Variants in PCDHGA10 observed in about 807,000 individuals in gnomAD.
PCDHGA10 encodes protocadherin gamma subfamily A, 10.
Under a neutral mutation model 59.5 loss-of-function variants are expected in PCDHGA10, and 42 were observed. The observed-to-expected ratio is 0.71, with a 90% confidence interval of 0.55 to 0.91. The LOEUF (loss-of-function observed/expected upper bound fraction) is 0.91. Among genes scored for constraint, PCDHGA10 ranks in the 40% least tolerant of loss-of-function variants. The pLI is 0.00. For synonymous variants in PCDHGA10, 511 were observed against 517.2 expected, an observed-to-expected ratio of 0.99 and a Z score of 0.16; for missense variants, 1,111 against 1,198.2, an observed-to-expected ratio of 0.93 and a Z score of 1.07.
chr5:141,451,112 G>A (rs776356458), intron 1 of PCDHGA10, among the ~76,000 whole-genome samples: 9 of 152,236 alleles, frequency 5.9e-5, no homozygotes, highest in Admixed American at 1.3e-4. Flanking sequence ...ACAGGCGTGA[G>A]CCACCACACC....
chr5:141,485,383 G>C lies in PCDHGA10; in HGVS notation c.2437-9424G>C. 6.2e-7 allele frequency: 1 copy of C among 1,614,128 alleles called. No individual in the cohort carries two copies. Among genetic ancestry groups the C allele is most frequent in the Non-Finnish European group, 8.5e-7 (1 of 1,180,020 alleles). On this transcript the variant is annotated intron_variant, in intron 1 of 3. Coordinates refer to ENST00000398610, the MANE Select transcript of PCDHGA10 (RefSeq NM_018913.3). The surrounding 1 kb of genome is among the most constrained non-coding windows in gnomAD (Gnocchi z 5.7). Reference sequence around the variant, plus strand: ...GCAGGCTGCAGGTCGCTGGAGAGGTGAACCAAAGACACTTCCGTGTGGATT... The same window carrying C: ...GCAGGCTGCAGGTCGCTGGAGAGGTCAACCAAAGACACTTCCGTGTGGATT...
intron 1 of PCDHGA10, chr5:141,433,272 C>G (rs1161817377): frequency 8.0e-7 from 1 of 1,252,412 alleles, no homozygotes; most frequent in Non-Finnish European, 1.1e-6. Flanking sequence ...TAGCTCACTG[C>G]AGCCTCAAAC....
At chr5:141,421,827 C>A in intron 1 of PCDHGA10, 1 of 1,613,802 alleles carries the variant, frequency 6.2e-7, no homozygotes, top group Non-Finnish European at 8.5e-7. Flanking sequence ...TGGAGGGAAG[C>A]CTGGACCGAG....
At chr5:141,427,228 T>C (rs2097002884) in intron 1 of PCDHGA10, 1 of 456,550 alleles carries the variant, frequency 2.2e-6, no homozygotes, top group South Asian at 1.5e-5. Context: ...AGTTATACCA[T>C]GAGAGTAGAA....
At chr5:141,421,854 C>T (rs1402137870) in intron 1 of PCDHGA10, 9 of 1,613,644 alleles carry the variant, frequency 5.6e-6, no homozygotes. Flanking sequence ...AGGCTGCTCA[C>T]CTGCTCCTCC....
In PCDHGA10 at chr5:141,486,077, C is replaced by T; in HGVS notation, c.2437-8730C>T. 6.2e-7 allele frequency: 1 copy of T among 1,614,186 alleles called. No individual in the cohort carries two copies. The highest frequency in any genetic ancestry group is 8.5e-7 in the Non-Finnish European group (1 of 1,180,024). ...TAGCCTGCACCCCACTACTGGAAAG[C>T]TTACTCTTTTGGGGCCCCTAGACTT... On this transcript the variant is annotated intron_variant, in intron 1 of 3. Coordinates refer to ENST00000398610, the MANE Select transcript of PCDHGA10 (RefSeq NM_018913.3). The surrounding 1 kb of genome is among the most constrained non-coding windows in gnomAD (Gnocchi z 5.0).
Position 141,420,043 on chromosome 5 carries a change from G to T in PCDHGA10, c.2436+4432G>T, listed in dbSNP as rs747553514. On this transcript the variant is annotated intron_variant, in intron 1 of 3. Coordinates refer to ENST00000398610, the MANE Select transcript of PCDHGA10 (RefSeq NM_018913.3). ...GCCCTACTGCAGGAGACTGCTTTGAGTCAGTTCTCTGCTCCAAGTCCGGAC... is the reference window on the plus strand; with the variant it reads ...GCCCTACTGCAGGAGACTGCTTTGATTCAGTTCTCTGCTCCAAGTCCGGAC... The T allele has an allele frequency of 1.9e-6, 3 of 1,614,078 alleles. No individual in the cohort carries two copies. In the Admixed American group the frequency reaches 5.0e-5, roughly 27 times the overall value.
At chr5:141,457,554 G>A (rs2098924282) in intron 1 of PCDHGA10, among the ~76,000 whole-genome samples, 1 of 152,166 alleles carries the variant, frequency 6.6e-6, no homozygotes, top group Admixed American at 6.5e-5. Flanking sequence ...TGTATGATAA[G>A]CTTTGGAGCA....
intron 1 of PCDHGA10, among the ~76,000 whole-genome samples, chr5:141,460,285 T>C (rs1283830175): frequency 1.3e-5 from 2 of 152,154 alleles, no homozygotes; most frequent in Admixed American, 6.5e-5. Context: ...ATAGTTTGTA[T>C]TTCTTATGTC....
chr5:141,484,603 G>T (rs1460433183), intron 1 of PCDHGA10, among the ~76,000 whole-genome samples: 1 of 152,008 alleles, frequency 6.6e-6, no homozygotes, highest in Non-Finnish European at 1.5e-5. Context: ...TAGAATACTG[G>T]TTGATGACAA....
chr5:141,427,840 A>G (rs779622800), intron 1 of PCDHGA10: 1 of 1,548,180 alleles, frequency 6.5e-7, no homozygotes, highest in Non-Finnish European at 8.8e-7. Flanking sequence ...CGTGCCTTCG[A>G]CCACGAGCAG....
chr5:141,431,265 G>A lies in PCDHGA10; in HGVS notation c.2436+15654G>A. 2 of 1,614,168 alleles carry A rather than the reference G, an allele frequency of 1.2e-6. No homozygotes were observed. On this transcript the variant is annotated intron_variant, in intron 1 of 3. Transcript: ENST00000398610. This position sits in a 1 kb window ranked among gnomAD's most constrained non-coding sequence, Gnocchi z 4.8. ...GATATCGGGAAGAACTCTCTGCAGA[G>A]CTACGAGCTCAGCCCGAACACTCAC...
intron 1 of PCDHGA10, chr5:141,419,479 C>T (rs764891283): frequency 6.2e-7 from 1 of 1,612,390 alleles, no homozygotes; most frequent in Non-Finnish European, 8.5e-7. Context: ...AGGGCTCGCC[C>T]GCGCTCAGCG....
rs573580017 is a variant in PCDHGA10, at chr5:141,484,867, G to T, written c.2437-9940G>T. 33 of 282,678 alleles carry T rather than the reference G, an allele frequency of 1.2e-4. No individual in the cohort carries two copies. The South Asian group carries it at 1.6e-3, about 14-fold the overall frequency. The allele number at this position is 282,678 out of a possible 1,614,324, so 17.5% of individuals were successfully genotyped here. On this transcript the variant is annotated intron_variant, in intron 1 of 3. Transcript: ENST00000398610. ...TGGGTTTTTTGGGGGGTGGGGGAGC[G>T]TGGAGGATAGGGTGGGCTTTTTCCC...
intron 1 of PCDHGA10, among the ~76,000 whole-genome samples, chr5:141,479,789 T>C (rs888217885): frequency 3.3e-5 from 5 of 152,196 alleles, no homozygotes; most frequent in Non-Finnish European, 2.9e-5. Flanking sequence ...AAAGCATTCA[T>C]TAATTCAGGG....
chr5:141,434,547 A>G (rs1277148299), intron 1 of PCDHGA10, among the ~76,000 whole-genome samples: 1 of 152,232 alleles, frequency 6.6e-6, no homozygotes, highest in East Asian at 1.9e-4. Context: ...AGCATGAGTG[A>G]TCTGTGCCTT....
intron 2 of PCDHGA10, among the ~76,000 whole-genome samples, chr5:141,499,297 T>A (rs1449576891): frequency 1.3e-5 from 2 of 152,036 alleles, no homozygotes; most frequent in Non-Finnish European, 2.9e-5. Flanking sequence ...CACACTACCA[T>A]CCCTCCTCTG....
intron 1 of PCDHGA10, among the ~76,000 whole-genome samples, chr5:141,483,015 G>A (rs916071219): frequency 2.0e-5 from 3 of 152,044 alleles, no homozygotes; most frequent in African/African-American, 7.2e-5. Context: ...AACCCGGGAG[G>A]CAGAGGTTGC....
chr5:141,423,078 C>T (rs752144906), intron 1 of PCDHGA10: 2 of 1,614,108 alleles, frequency 1.2e-6, no homozygotes, highest in Non-Finnish European at 1.7e-6. Context: ...AGCCGGGACT[C>T]TTCGCGGTGG....
Sources: gnomAD v4.1 joint callset for allele counts (sites outside exome capture counted in the v4.1 genomes callset) on GRCh38, gnomAD v4.1.1 for gene constraint, Gnocchi (gnomAD v3.1) non-coding constraint, MANE v1.5 for transcripts, NCBI Gene and HGNC (gene_info 2026-07-23, HGNC 2026-07-21) for gene names.